Variants in RGS20 observed in about 807,000 individuals in gnomAD.
RGS20 encodes gz-selective GTPase-activating protein.
In RGS20, 30 loss-of-function variants were observed where a neutral mutation model predicts 33.6. The ratio of observed to expected loss-of-function variants is 0.89; its 90% CI spans 0.67 to 1.21. RGS20 has a LOEUF of 1.21. Ranked by LOEUF, RGS20 falls within the 50% of genes most tolerant of loss-of-function variation. RGS20 has a pLI of 0.00. For synonymous variants in RGS20, 208 were observed against 197.9 expected, an observed-to-expected ratio of 1.05 and a Z score of -0.43; for missense variants, 472 against 502.4, an observed-to-expected ratio of 0.94 and a Z score of 0.58.
intron 2 of RGS20, among the ~76,000 whole-genome samples, chr8:53,886,415 A>C (rs1259123453): frequency 1.3e-5 from 2 of 152,240 alleles, no homozygotes; most frequent in African/African-American, 4.8e-5. Flanking sequence ...ATAGGGAATC[A>C]CTTGTGAAAT....
At chr8:53,925,039 T>C (rs900171049) in intron 2 of RGS20, among the ~76,000 whole-genome samples, 6 of 152,220 alleles carry the variant, frequency 3.9e-5, no homozygotes, top group African/African-American at 1.2e-4. Flanking sequence ...TGGACTGATG[T>C]TGCCTCTGCC....
chr8:53,958,227 A>C (rs1814930026), intron 5 of RGS20, 43 bp from the exon 5 acceptor site: 2 of 1,422,104 alleles, frequency 1.4e-6, no homozygotes. Flanking sequence ...ATAGAGATAC[A>C]ACTGAAGTCT....
intron 1 of RGS20, among the ~76,000 whole-genome samples, chr8:53,867,708 TTTGTTTCTTTCC>T (rs1211550815): frequency 7.9e-5 from 12 of 151,712 alleles, no homozygotes; most frequent in Middle Eastern, 3.4e-3. Flanking sequence ...CCTTCCTTTC[TTTGTTTCTTTCC>T]TTCTTTCTTT....
Position 53,920,915 on chromosome 8 carries a change from C to T in RGS20, c.511-18661C>T, listed in dbSNP as rs573970454. On this transcript the variant is annotated intron_variant, in intron 2 of 5. Transcript: ENST00000297313. ...CTGGGATTACAGGCACATGCCATCA[C>T]GCCTGGCTAATTTTTGTATTTTTTA... Among the ~76,000 whole-genome samples the T allele has an allele frequency of 4.6e-5, 7 of 152,210 alleles. No individual in the cohort carries two copies. In the South Asian group the frequency reaches 8.3e-4, roughly 18 times the overall value.
At chr8:53,874,691 A>G (rs2129272415) in intron 1 of RGS20, among the ~76,000 whole-genome samples, 1 of 152,246 alleles carries the variant, frequency 6.6e-6, no homozygotes, top group Admixed American at 6.5e-5. Flanking sequence ...TTTGCTGTCA[A>G]TCTCTGGCAT....
chr8:53,905,047 A>C (rs990132498), intron 2 of RGS20, among the ~76,000 whole-genome samples: 2 of 152,244 alleles, frequency 1.3e-5, no homozygotes, highest in Non-Finnish European at 2.9e-5. Context: ...ACAAAAGTGT[A>C]AAGATTTCCA....
chr8:53,944,881 C>T (rs1305769271), intron 3 of RGS20, among the ~76,000 whole-genome samples: 1 of 152,178 alleles, frequency 6.6e-6, no homozygotes, highest in Non-Finnish European at 1.5e-5. Flanking sequence ...CATCAGTAGT[C>T]ATTAGCAAGA....
chr8:53,862,946 A>T (rs1258734315), intron 1 of RGS20, among the ~76,000 whole-genome samples: 1 of 152,190 alleles, frequency 6.6e-6, no homozygotes, highest in Non-Finnish European at 1.5e-5. Flanking sequence ...TTTGGGTTTT[A>T]GGAAATCGGG....
chr8:53,895,212 CAT>C (rs1812822534), intron 2 of RGS20, among the ~76,000 whole-genome samples: 1 of 152,064 alleles, frequency 6.6e-6, no homozygotes, highest in South Asian at 2.1e-4. Flanking sequence ...ATGGTGGCAA[CAT>C]GTGTGGCCAT....
At chr8:53,910,268 G>T (rs1401204530) in intron 2 of RGS20, among the ~76,000 whole-genome samples, 1 of 151,986 alleles carries the variant, frequency 6.6e-6, no homozygotes, top group Admixed American at 6.6e-5. Flanking sequence ...CTTGCTTCAG[G>T]CTATGGGCCA....
intron 2 of RGS20, among the ~76,000 whole-genome samples, chr8:53,926,067 G>A (rs568192639): frequency 1.3e-5 from 2 of 152,240 alleles, no homozygotes; most frequent in African/African-American, 2.4e-5. Flanking sequence ...TTAATTAGCT[G>A]GGTATGGTGG....
chr8:53,916,040 C>T (rs771702381), intron 2 of RGS20, among the ~76,000 whole-genome samples: 16 of 151,526 alleles, frequency 1.1e-4, no homozygotes, highest in Non-Finnish European at 1.9e-4. Context: ...AATATTCATC[C>T]GAGGACAGGG....
chr8:53,937,149 G>C (rs552582518), intron 2 of RGS20, among the ~76,000 whole-genome samples: 5 of 152,168 alleles, frequency 3.3e-5, no homozygotes, highest in South Asian at 2.1e-4. Context: ...CGTGGAGTTG[G>C]GGGGAGAGGG....
At chr8:53,883,391 C>T (rs761027655) in intron 2 of RGS20, among the ~76,000 whole-genome samples, 1 of 151,836 alleles carries the variant, frequency 6.6e-6, no homozygotes, top group Non-Finnish European at 1.5e-5. Flanking sequence ...CTTGAACTCC[C>T]GGCCTCAGGT....
At chr8:53,875,607 T>C (rs1010578322) in intron 1 of RGS20, among the ~76,000 whole-genome samples, 10 of 152,152 alleles carry the variant, frequency 6.6e-5, no homozygotes, top group Admixed American at 2.0e-4. Context: ...ATACAAGTCA[T>C]CTAAGTAGCT....
At chr8:53,880,085 C>T (rs942780689) in intron 2 of RGS20, 2 of 153,432 alleles carry the variant, frequency 1.3e-5, no homozygotes, top group African/African-American at 4.8e-5. Context: ...AGGGAACTAA[C>T]CCCGCGGCCC....
intron 2 of RGS20, among the ~76,000 whole-genome samples, chr8:53,901,230 G>A (rs1237248889): frequency 6.6e-6 from 1 of 151,894 alleles, no homozygotes; most frequent in Non-Finnish European, 1.5e-5. Flanking sequence ...ACCACGCCCG[G>A]CTAATTTTTG....
chr8:53,907,824 A>C (rs1426225108), intron 2 of RGS20, among the ~76,000 whole-genome samples: 5 of 152,174 alleles, frequency 3.3e-5, no homozygotes, highest in Non-Finnish European at 7.3e-5. Context: ...ATACAGATTA[A>C]GTTTAAAGGT....
At chr8:53,871,324 G>A (rs557130957) in intron 1 of RGS20, among the ~76,000 whole-genome samples, 45 of 151,962 alleles carry the variant, frequency 3.0e-4, no homozygotes, top group African/African-American at 1.1e-3. Context: ...CCCTTGATCT[G>A]TTCATTTAGT....
Sources: gnomAD v4.1 joint callset for allele counts (sites outside exome capture counted in the v4.1 genomes callset) on GRCh38, gnomAD v4.1.1 for gene constraint, MANE v1.5 for transcripts, NCBI Gene and HGNC (gene_info 2026-07-23, HGNC 2026-07-21) for gene names.